Variants in HS6ST3 observed in about 807,000 individuals in gnomAD.
HS6ST3 encodes the protein heparan-sulfate 6-O-sulfotransferase 3.
A neutral mutation model predicts 36.7 loss-of-function variants in HS6ST3; 12 were observed. The observed-to-expected ratio is 0.33, with a 90% CI of 0.21 to 0.53. The LOEUF (loss-of-function observed/expected upper bound fraction) is 0.53. Ranked by LOEUF, HS6ST3 falls within the 20% of genes least tolerant of loss-of-function variation. HS6ST3 has a pLI of 0.95. For missense variants in HS6ST3, 584 were observed against 640.9 expected (o/e 0.91, Z 0.96); for synonymous variants, 240 against 257.5 (o/e 0.93, Z 0.65).
chr13:96,820,284 T>G (rs1216845865), intron 1 of HS6ST3, among the ~76,000 whole-genome samples: 1 of 152,214 alleles, frequency 6.6e-6, no homozygotes, highest in Admixed American at 6.5e-5. Flanking sequence ...CTTTAGGTTG[T>G]TTTTTAAATA....
chr13:96,516,310 C>T lies in HS6ST3; in HGVS notation c.708-316180C>T, dbSNP rs187116558. Reference sequence around the variant, plus strand: ...TGAACTCCTGACCTCAAGTGATCTGCCCCCAAAGTGCTGGGATTATGAGTG... The same window carrying T: ...TGAACTCCTGACCTCAAGTGATCTGTCCCCAAAGTGCTGGGATTATGAGTG... On this transcript the variant is annotated intron_variant, in intron 1 of 1. Coordinates refer to ENST00000376705, the MANE Select transcript of HS6ST3 (RefSeq NM_153456.4). Among the ~76,000 whole-genome samples the T allele has an allele frequency of 3.5e-3, 531 of 152,182 alleles. 4 individuals carry two copies. Among genetic ancestry groups the T allele is most frequent in the African/African-American group, 7.6e-3 (315 of 41,540 alleles).
intron 1 of HS6ST3, among the ~76,000 whole-genome samples, chr13:96,323,930 G>T (rs1017366464): frequency 6.6e-6 from 1 of 152,172 alleles, no homozygotes; most frequent in Non-Finnish European, 1.5e-5. Flanking sequence ...ATAAATAGTT[G>T]TTGTCGCAGG....
At chr13:96,183,016 A>G (rs1345114007) in intron 1 of HS6ST3, among the ~76,000 whole-genome samples, 1 of 152,202 alleles carries the variant, frequency 6.6e-6, no homozygotes, top group East Asian at 1.9e-4. Context: ...AGTGATAGAA[A>G]TTGTTTGAGA....
intron 1 of HS6ST3, among the ~76,000 whole-genome samples, chr13:96,518,046 G>A (rs1004754022): frequency 2.6e-5 from 4 of 152,110 alleles, no homozygotes; most frequent in Admixed American, 2.6e-4. Context: ...GAATGGGATT[G>A]TGTCTTTTGC....
At chr13:96,735,903 T>C (rs1021105686) in intron 1 of HS6ST3, among the ~76,000 whole-genome samples, 4 of 152,114 alleles carry the variant, frequency 2.6e-5, no homozygotes, top group Non-Finnish European at 5.9e-5. Flanking sequence ...AGGAATGAGA[T>C]CACATCCTTT....
At chr13:96,253,225 G>C (rs1330583517) in intron 1 of HS6ST3, among the ~76,000 whole-genome samples, 2 of 152,040 alleles carry the variant, frequency 1.3e-5, no homozygotes, top group African/African-American at 4.8e-5. Context: ...GCCAGTTGCT[G>C]TGTGCTCCTT....
intron 1 of HS6ST3, among the ~76,000 whole-genome samples, chr13:96,449,564 T>C (rs2055716821): frequency 6.6e-6 from 1 of 152,216 alleles, no homozygotes; most frequent in African/African-American, 2.4e-5. Flanking sequence ...GGTAGGCCCA[T>C]GTTAAATCTC....
At chr13:96,559,664 C>T (rs1353629358) in intron 1 of HS6ST3, among the ~76,000 whole-genome samples, 1 of 152,082 alleles carries the variant, frequency 6.6e-6, no homozygotes, top group African/African-American at 2.4e-5. Context: ...AGGTGCTGAT[C>T]ACCTTAATGA....
chr13:96,487,964 G>T (rs1429705645), intron 1 of HS6ST3, among the ~76,000 whole-genome samples: 2 of 152,066 alleles, frequency 1.3e-5, no homozygotes, highest in African/African-American at 4.8e-5. Flanking sequence ...GTCTAGTGTG[G>T]GTGGTCAACC....
At chr13:96,726,917 T>A (rs951406651) in intron 1 of HS6ST3, among the ~76,000 whole-genome samples, 1 of 152,194 alleles carries the variant, frequency 6.6e-6, no homozygotes. Context: ...GGCTCTGTTT[T>A]CAGTCCACAG....
intron 1 of HS6ST3, among the ~76,000 whole-genome samples, chr13:96,648,026 A>C (rs1041414112): frequency 1.3e-5 from 2 of 152,038 alleles, no homozygotes; most frequent in Admixed American, 6.6e-5. Flanking sequence ...ATGATTTCTC[A>C]AAATATATTT....
intron 1 of HS6ST3, among the ~76,000 whole-genome samples, chr13:96,622,862 G>A (rs1427864688): frequency 6.6e-6 from 1 of 152,006 alleles, no homozygotes; most frequent in African/African-American, 2.4e-5. Flanking sequence ...TGTTTAATGT[G>A]TCTCTTGTAT....
At chr13:96,728,511 C>T (rs776485074) in intron 1 of HS6ST3, among the ~76,000 whole-genome samples, 15 of 152,114 alleles carry the variant, frequency 9.9e-5, no homozygotes, top group South Asian at 4.1e-4. Flanking sequence ...CGTCTATTCC[C>T]GAACATTGTC....
At chr13:96,473,776 AG>A (rs1334644773) in intron 1 of HS6ST3, among the ~76,000 whole-genome samples, 10 of 152,180 alleles carry the variant, frequency 6.6e-5, no homozygotes, top group Admixed American at 4.6e-4. Flanking sequence ...AGAGTAACTG[AG>A]AATGTGGCTG....
chr13:96,260,803 C>A (rs572884586), intron 1 of HS6ST3, among the ~76,000 whole-genome samples: 2 of 152,012 alleles, frequency 1.3e-5, no homozygotes, highest in African/African-American at 4.8e-5. Context: ...CCACACCTAG[C>A]GAATTTTTGT....
At chr13:96,371,078 A>G (rs2055287638) in intron 1 of HS6ST3, among the ~76,000 whole-genome samples, 1 of 152,178 alleles carries the variant, frequency 6.6e-6, no homozygotes, top group East Asian at 1.9e-4. Context: ...GCTGTGTAGC[A>G]TTATTTCATT....
chr13:96,195,254 T>G (rs2054306644), intron 1 of HS6ST3, among the ~76,000 whole-genome samples: 1 of 152,202 alleles, frequency 6.6e-6, no homozygotes, highest in African/African-American at 2.4e-5. Context: ...ATGGAACATG[T>G]TTTTTTGCAG....
At chr13:96,732,069 G>T (rs1876168675) in intron 1 of HS6ST3, among the ~76,000 whole-genome samples, 1 of 152,126 alleles carries the variant, frequency 6.6e-6, no homozygotes, top group Admixed American at 6.5e-5. Context: ...GCTAATACTT[G>T]TTATCTTTTA....
At chr13:96,581,323 G>T (rs570031875) in intron 1 of HS6ST3, among the ~76,000 whole-genome samples, 1 of 151,556 alleles carries the variant, frequency 6.6e-6, no homozygotes, top group Non-Finnish European at 1.5e-5. Flanking sequence ...GGGTTTAAGC[G>T]ATTCTCCTGC....
Sources: allele counts gnomAD v4.1 joint callset (sites outside exome capture counted in the v4.1 genomes callset), GRCh38; gene constraint gnomAD v4.1.1; transcripts MANE v1.5; gene names NCBI Gene and HGNC (gene_info 2026-07-23, HGNC 2026-07-21).